The following ROBO1 variants were observed in gnomAD, a reference collection of about 807,000 sequenced individuals.
ROBO1 encodes roundabout homolog 1.
A neutral mutation model predicts 195.9 loss-of-function variants in ROBO1; 149 were observed. The ratio of observed to expected loss-of-function variants is 0.76; its 90% CI spans 0.67 to 0.87. ROBO1 has a LOEUF of 0.87. ROBO1 is among the 40% of genes least tolerant of loss of function. The probability of loss-of-function intolerance (pLI) is 0.00; values close to 1 mark genes in which losing one functional copy is unlikely to be tolerated. For synonymous variants in ROBO1, 816 were observed against 733.2 expected (o/e 1.11, Z -1.82); for missense variants, 1,933 against 2,068.3 (o/e 0.93, Z 1.27).
chr3:78,774,773 A>G (rs760141487), intron 4 of ROBO1, among the ~76,000 whole-genome samples: 10 of 152,166 alleles, frequency 6.6e-5, no homozygotes, highest in Non-Finnish European at 1.2e-4. Flanking sequence ...ATTGATACCA[A>G]TGATCTCTAA....
chr3:78,914,963 C>T (rs990640300), intron 4 of ROBO1, among the ~76,000 whole-genome samples: 1 of 151,708 alleles, frequency 6.6e-6, no homozygotes, highest in Non-Finnish European at 1.5e-5. Context: ...TGTGCCTGCT[C>T]CCTTTTTGCA....
At chr3:79,366,084 G>C (rs2035967902) in intron 2 of ROBO1, among the ~76,000 whole-genome samples, 1 of 151,994 alleles carries the variant, frequency 6.6e-6, no homozygotes, top group South Asian at 2.1e-4. Context: ...GGCAGACCTG[G>C]AGTTCTTTAC....
chr3:79,356,448 G>C lies in ROBO1; in HGVS notation c.89-230909C>G, dbSNP rs146640583. Among the ~76,000 whole-genome samples the C allele has an allele frequency of 2.1e-4, 31 of 148,934 alleles. 2 individuals are homozygous for C. In the East Asian group the frequency reaches 5.8e-3, roughly 28 times the overall value. ...CTTTTGACCTCAGAGTTATAGTATTGTAAGGCACAATTCATTAATAGAGTA... is the reference window on the plus strand; with the variant it reads ...CTTTTGACCTCAGAGTTATAGTATTCTAAGGCACAATTCATTAATAGAGTA... On this transcript the variant is annotated intron_variant, in intron 2 of 30. Coordinates refer to ENST00000464233, the MANE Select transcript of ROBO1 (RefSeq NM_002941.4).
At chr3:78,753,308 C>A (rs911080499) in intron 4 of ROBO1, among the ~76,000 whole-genome samples, 2 of 152,202 alleles carry the variant, frequency 1.3e-5, no homozygotes, top group Admixed American at 1.3e-4. Context: ...AGAATTACAT[C>A]CAGATTGGGT....
intron 1 of ROBO1, among the ~76,000 whole-genome samples, chr3:79,740,213 T>A (rs1303336507): frequency 4.3e-5 from 5 of 116,996 alleles, no homozygotes; most frequent in South Asian, 2.8e-4. Context: ...ATATATATAT[T>A]TATATATATA....
At chr3:78,648,200 G>A (rs566007143) in intron 19 of ROBO1, among the ~76,000 whole-genome samples, 3 of 151,710 alleles carry the variant, frequency 2.0e-5, no homozygotes, top group African/African-American at 4.8e-5. Flanking sequence ...CACAAGTAAA[G>A]GAAAGGAAAG....
chr3:78,756,112 A>G (rs1437559848), intron 4 of ROBO1, among the ~76,000 whole-genome samples: 1 of 152,172 alleles, frequency 6.6e-6, no homozygotes, highest in Admixed American at 6.6e-5. Flanking sequence ...GATTATATAT[A>G]TATGTATGTA....
chr3:79,346,025 T>C (rs1253746127), intron 2 of ROBO1, among the ~76,000 whole-genome samples: 2 of 152,154 alleles, frequency 1.3e-5, no homozygotes, highest in African/African-American at 2.4e-5. Flanking sequence ...GGATAATTCG[T>C]AGGTCAAGAA....
intron 1 of ROBO1, among the ~76,000 whole-genome samples, chr3:79,723,990 T>C: frequency 6.6e-6 from 1 of 152,198 alleles, no homozygotes; most frequent in Non-Finnish European, 1.5e-5. Context: ...TTTGGTGATA[T>C]CTGTATTATT....
At chr3:78,981,157 T>C (rs2076982465) in intron 3 of ROBO1, among the ~76,000 whole-genome samples, 1 of 152,216 alleles carries the variant, frequency 6.6e-6, no homozygotes. Context: ...GCATTGAGTA[T>C]GCATACTTAA....
chr3:79,446,518 C>G (rs1273082446), intron 2 of ROBO1, among the ~76,000 whole-genome samples: 5 of 152,060 alleles, frequency 3.3e-5, no homozygotes, highest in Admixed American at 3.3e-4. Flanking sequence ...TAGATAGGTA[C>G]AAAACTTAAT....
At chr3:78,963,558 GC>G (rs1190411725) in intron 3 of ROBO1, among the ~76,000 whole-genome samples, 2 of 112,362 alleles carry the variant, frequency 1.8e-5, no homozygotes, top group African/African-American at 3.5e-5. Context: ...TCGCTCTGTC[GC>G]CCAGGCTGGA....
chr3:79,157,329 G>C (rs1404123160), intron 2 of ROBO1, among the ~76,000 whole-genome samples: 1 of 151,872 alleles, frequency 6.6e-6, no homozygotes, highest in Non-Finnish European at 1.5e-5. Flanking sequence ...TGAGCAATGG[G>C]AACTGAAGCA....
chr3:79,210,745 C>G (rs1276911015), intron 2 of ROBO1, among the ~76,000 whole-genome samples: 1 of 152,070 alleles, frequency 6.6e-6, no homozygotes, highest in African/African-American at 2.4e-5. Flanking sequence ...CAAAAATTCA[C>G]TGTTATCAAT....
At chr3:79,429,963 T>A (rs2107017326) in intron 2 of ROBO1, among the ~76,000 whole-genome samples, 1 of 152,162 alleles carries the variant, frequency 6.6e-6, no homozygotes, top group Non-Finnish European at 1.5e-5. Context: ...TTGTCTGAAT[T>A]GTTATACCTT....
At chr3:79,013,233 A>G (rs1378650401) in intron 3 of ROBO1, among the ~76,000 whole-genome samples, 2 of 152,182 alleles carry the variant, frequency 1.3e-5, no homozygotes, top group African/African-American at 4.8e-5. Context: ...TTCAGAGCAG[A>G]GCAAAATCTT....
intron 4 of ROBO1, among the ~76,000 whole-genome samples, chr3:78,759,676 TTCTG>T (rs891066980): frequency 3.3e-5 from 5 of 152,176 alleles, no homozygotes; most frequent in African/African-American, 1.2e-4. Context: ...TGCAGTAGGC[TTCTG>T]TCTGACAGAT....
chr3:78,625,425 A>G (rs897900786), intron 26 of ROBO1, among the ~76,000 whole-genome samples: 14 of 152,244 alleles, frequency 9.2e-5, no homozygotes, highest in African/African-American at 3.1e-4. Context: ...GACAGCCATC[A>G]AAGTAAAAGA....
intron 2 of ROBO1, among the ~76,000 whole-genome samples, chr3:79,153,489 A>G (rs2080807799): frequency 6.6e-6 from 1 of 151,714 alleles, no homozygotes; most frequent in Non-Finnish European, 1.5e-5. Context: ...TAATCAGCAA[A>G]GCTTTGAGTT....
Sources: gnomAD v4.1 joint callset for allele counts (sites outside exome capture counted in the v4.1 genomes callset) on GRCh38, gnomAD v4.1.1 for gene constraint, MANE v1.5 for transcripts, NCBI Gene and HGNC (gene_info 2026-07-23, HGNC 2026-07-21) for gene names.